The following DAAM2 variants were observed in gnomAD, a reference collection of about 807,000 sequenced individuals.
The protein encoded by DAAM2 is dishevelled associated activator of morphogenesis 2, also known as disheveled-associated activator of morphogenesis 2.
A neutral mutation model predicts 120.7 loss-of-function variants in DAAM2; 39 were observed. The ratio of observed to expected loss-of-function variants is 0.32; its 90% CI spans 0.25 to 0.42. The LOEUF (loss-of-function observed/expected upper bound fraction) is 0.42. Among genes scored for constraint, DAAM2 ranks in the 10% least tolerant of loss-of-function variants. DAAM2 has a pLI of 1.00. For synonymous variants in DAAM2, 488 were observed against 524.9 expected (o/e 0.93, Z 0.96); for missense variants, 1,283 against 1,401.7 (o/e 0.92, Z 1.35).
At chr6:39,867,113 C>T (rs1012797797) in intron 5 of DAAM2, among the ~76,000 whole-genome samples, 5 of 152,222 alleles carry the variant, frequency 3.3e-5, no homozygotes, top group Admixed American at 6.5e-5. Flanking sequence ...CTAGGCTTAA[C>T]GCCATGACTT....
chr6:39,818,040 A>C (rs987342241), intron 1 of DAAM2, among the ~76,000 whole-genome samples: 5 of 151,990 alleles, frequency 3.3e-5, no homozygotes, highest in Non-Finnish European at 7.4e-5. Context: ...TTAGTCGGGC[A>C]TGGTAGCACA....
At chr6:39,850,439 T>G (rs115343635) in intron 1 of DAAM2, among the ~76,000 whole-genome samples, 2,928 of 152,276 alleles carry the variant, frequency 0.019, 38 homozygotes, top group Non-Finnish European at 0.027. Flanking sequence ...TTGTTGTCAC[T>G]GCCTGGACTC....
intron 1 of DAAM2, among the ~76,000 whole-genome samples, chr6:39,794,193 G>T (rs1761631088): frequency 6.6e-6 from 1 of 151,310 alleles, no homozygotes; most frequent in Non-Finnish European, 1.5e-5. Flanking sequence ...CATGTAAACA[G>T]GAGTGACTGG....
At chr6:39,800,565 C>G (rs1455476732) in intron 1 of DAAM2, among the ~76,000 whole-genome samples, 1 of 152,210 alleles carries the variant, frequency 6.6e-6, no homozygotes, top group Non-Finnish European at 1.5e-5. Context: ...GGGCTGTGCT[C>G]TCTGACCCCT....
chr6:39,895,569 CA>C (rs760690719), intron 19 of DAAM2, among the ~76,000 whole-genome samples: 2 of 152,150 alleles, frequency 1.3e-5, no homozygotes, highest in Non-Finnish European at 2.9e-5. Flanking sequence ...AAACTTTTAG[CA>C]AAGTCGTTTT....
intron 1 of DAAM2, among the ~76,000 whole-genome samples, chr6:39,837,612 G>A (rs1221328783): frequency 3.0e-5 from 4 of 133,802 alleles, no homozygotes; most frequent in Non-Finnish European, 6.0e-5. Flanking sequence ...GTGGTGAGCC[G>A]AGATCGCACC....
chr6:39,863,666 A>C (rs528296500), intron 3 of DAAM2, among the ~76,000 whole-genome samples: 1 of 152,230 alleles, frequency 6.6e-6, no homozygotes, highest in Middle Eastern at 3.4e-3. Context: ...TTGGCTGGAG[A>C]AGGCTGGATT....
chr6:39,803,064 A>G (rs1435936418), intron 1 of DAAM2, among the ~76,000 whole-genome samples: 3 of 152,342 alleles, frequency 2.0e-5, no homozygotes, highest in Non-Finnish European at 2.9e-5. Flanking sequence ...TGAATACAAC[A>G]TACTTTACTT....
intron 1 of DAAM2, among the ~76,000 whole-genome samples, chr6:39,827,538 C>T (rs1582630661): frequency 6.6e-6 from 1 of 152,266 alleles, no homozygotes; most frequent in East Asian, 1.9e-4. Context: ...GTGGCCCTCA[C>T]TCACGCCTTG....
chr6:39,803,836 T>C (rs77470168), intron 1 of DAAM2, among the ~76,000 whole-genome samples: 25 of 152,232 alleles, frequency 1.6e-4, no homozygotes, highest in African/African-American at 5.1e-4. Flanking sequence ...GGAAGCCAAA[T>C]TGTTTTCCTG....
intron 7 of DAAM2, among the ~76,000 whole-genome samples, chr6:39,869,782 A>T (rs1218305797): frequency 1.0e-4 from 13 of 127,540 alleles, no homozygotes; most frequent in Admixed American, 3.2e-4. Flanking sequence ...TTTTTTTTTA[A>T]AAACAATTTA....
chr6:39,862,786 C>A (rs1293030175), intron 3 of DAAM2: 1 of 92,254 alleles, frequency 1.1e-5, no homozygotes. Context: ...GCCTGGGCAA[C>A]AAGAGCGAAA....
chr6:39,814,845 C>G (rs1762263706), intron 1 of DAAM2, among the ~76,000 whole-genome samples: 1 of 152,192 alleles, frequency 6.6e-6, no homozygotes, highest in African/African-American at 2.4e-5. Context: ...AGGAAGTTTT[C>G]CAGGTTGAAT....
At chr6:39,851,131 C>T (rs532207127) in intron 1 of DAAM2, among the ~76,000 whole-genome samples, 2 of 152,254 alleles carry the variant, frequency 1.3e-5, no homozygotes, top group East Asian at 3.9e-4. Context: ...GAACACCTGG[C>T]CCAGCTCACA....
In DAAM2 at chr6:39,902,276, G is replaced by A. The variant is rs1766539356; in HGVS notation, c.*239G>A. The stretch of plus-strand genomic sequence containing the variant: ...CCCTGGCCCCAGGTATTATTCTGAG[G>A]CTGCCTTGGATGGCCTCAGGCCAGG... On this transcript the variant is annotated 3_prime_UTR_variant, in exon 25 of 25. Coordinates refer to ENST00000274867, the MANE Select transcript of DAAM2 (RefSeq NM_001201427.2). 3 of 418,422 alleles carry A rather than the reference G, an allele frequency of 7.2e-6. No individual in the cohort carries two copies. In the East Asian group the frequency reaches 1.1e-4, roughly 16 times the overall value. The allele number at this position is 418,422 out of a possible 1,614,324, so 25.9% of individuals were successfully genotyped here.
chr6:39,879,539 G>T, intron 14 of DAAM2, 62 bp downstream of exon 14: 1 of 1,606,262 alleles, frequency 6.2e-7, no homozygotes, highest in Non-Finnish European at 8.5e-7. Context: ...CAGCCTCAGG[G>T]ACCACCCGCC....
At chr6:39,832,825 G>A (rs978577019) in intron 1 of DAAM2, among the ~76,000 whole-genome samples, 1 of 152,172 alleles carries the variant, frequency 6.6e-6, no homozygotes, top group Admixed American at 6.5e-5. Context: ...CTCCATTGAA[G>A]GGGCCAGGTC....
intron 23 of DAAM2, among the ~76,000 whole-genome samples, chr6:39,900,900 G>A (rs188071668): frequency 2.7e-3 from 406 of 152,270 alleles, no homozygotes; most frequent in African/African-American, 9.4e-3. Flanking sequence ...CTATGATGTA[G>A]ATTCTATTAT....
chr6:39,901,702 TACAGGC>T lies in DAAM2; in HGVS notation c.2983-109_2983-104del. The stretch of plus-strand genomic sequence containing the variant: ...GCAGGAAGAAAGTGGGGCCAACAGA[TACAGGC>T]AGGCAGCATGACCATGGCCTAGGAG... On this transcript the variant is annotated intron_variant, in intron 24 of 24. Transcript: ENST00000274867. The surrounding 1 kb of genome is among the most constrained non-coding windows in gnomAD (Gnocchi z 4.5). 1.8e-6 allele frequency: 2 copies of T among 1,099,912 alleles called. No homozygotes were observed. The highest frequency in any genetic ancestry group is 6.1e-4 in the Middle Eastern group (2 of 3,268). The allele number at this position is 1,099,912 out of a possible 1,614,324, so 68.1% of individuals were successfully genotyped here.
Sources: allele counts gnomAD v4.1 joint callset (sites outside exome capture counted in the v4.1 genomes callset), GRCh38; gene constraint gnomAD v4.1.1; non-coding constraint Gnocchi (gnomAD v3.1); transcripts MANE v1.5; gene names NCBI Gene and HGNC (gene_info 2026-07-23, HGNC 2026-07-21).